The following ANKRD7 variants were observed in gnomAD, a reference collection of about 807,000 sequenced individuals.
The protein encoded by ANKRD7 is ankyrin repeat domain-containing protein 7.
ANKRD7 carries 30 observed loss-of-function variants against 30.8 expected under a neutral mutation model. The ratio of observed to expected loss-of-function variants is 0.97; its 90% CI spans 0.73 to 1.32. The LOEUF (loss-of-function observed/expected upper bound fraction) is 1.32. Ranked by LOEUF, ANKRD7 falls within the 40% of genes most tolerant of loss-of-function variation. The pLI, the probability that ANKRD7 is intolerant of heterozygous loss-of-function variation, is 0.00. For missense variants in ANKRD7, 264 were observed against 295.7 expected, an observed-to-expected ratio of 0.89 and a Z score of 0.79; for synonymous variants, 97 against 106.6, an observed-to-expected ratio of 0.91 and a Z score of 0.55.
chr7:118,230,948 TA>T (rs968158504), intron 1 of ANKRD7, among the ~76,000 whole-genome samples: 13 of 151,496 alleles, frequency 8.6e-5, no homozygotes, highest in Non-Finnish European at 5.9e-5. Context: ...TGTTTTCTAG[TA>T]AAAAAAATGA....
Position 118,230,020 on chromosome 7 carries a change from G to C in ANKRD7, c.180-4411G>C, listed in dbSNP as rs139458914. Among the ~76,000 whole-genome samples, 764 of 152,072 alleles carry C rather than the reference G, an allele frequency of 5.0e-3. 6 individuals are homozygous for C. The highest frequency in any genetic ancestry group is 0.017 in the African/African-American group (704 of 41,510). On this transcript the variant is annotated intron_variant, in intron 1 of 6. Transcript: ENST00000265224. ...ACCCTCAACAAACTAGGCATCGAAG[G>C]AACGTACCTCAAAATAATAAGGGAC...
Position 118,236,869 on chromosome 7 carries a change from T to C in ANKRD7, c.655T>C (p.Tyr219His), listed in dbSNP as rs764928734. 3.3e-5 allele frequency: 54 copies of C among 1,613,968 alleles called. No individual in the cohort carries two copies. Among genetic ancestry groups the C allele is most frequent in the Non-Finnish European group, 4.3e-5 (51 of 1,179,956 alleles). Residue 219 changes from tyrosine to histidine, a missense_variant, in exon 5 of 7, where the codon TAC (tyrosine) becomes CAC (histidine). Transcript: ENST00000265224. Reference sequence around the variant, plus strand: ...TCTTCAGCAAGGTGTGGAATTATGTTACGAAGGTATTGTGGATTCACAGCT... The same window carrying C: ...TCTTCAGCAAGGTGTGGAATTATGTCACGAAGGTATTGTGGATTCACAGCT... Reference protein sequence around the residue: ...LLLQQGVELCYEGIVDSQLRN... With the variant: ...LLLQQGVELCHEGIVDSQLRN...
chr7:118,238,162 A>T (rs572067438), intron 5 of ANKRD7, among the ~76,000 whole-genome samples: 7 of 152,326 alleles, frequency 4.6e-5, no homozygotes, highest in Admixed American at 3.9e-4. Flanking sequence ...TATCTCCCCC[A>T]AATGGCTTTT....
chr7:118,229,033 TC>T (rs1450214552), intron 1 of ANKRD7, among the ~76,000 whole-genome samples: 1 of 152,192 alleles, frequency 6.6e-6, no homozygotes, highest in Non-Finnish European at 1.5e-5. Context: ...ATCTTCATCT[TC>T]ACCCTGTTAC....
intron 1 of ANKRD7, 47 bp from the exon 2 acceptor site, chr7:118,234,384 C>CA (rs1809691037): frequency 1.5e-6 from 2 of 1,355,176 alleles, no homozygotes; most frequent in Non-Finnish European, 2.0e-6. Flanking sequence ...AGTAACTTCT[C>CA]AAACGAAGAC....
chr7:118,229,328 T>A (rs1809594699), intron 1 of ANKRD7, among the ~76,000 whole-genome samples: 1 of 152,160 alleles, frequency 6.6e-6, no homozygotes, highest in South Asian at 2.1e-4. Context: ...TCTTCCCTGC[T>A]TTTCTCTTTA....
At chr7:118,231,596 A>C (rs915744456) in intron 1 of ANKRD7, among the ~76,000 whole-genome samples, 1 of 152,114 alleles carries the variant, frequency 6.6e-6, no homozygotes, top group African/African-American at 2.4e-5. Context: ...ATGAGATTCA[A>C]TTGAAGGCTA....
chr7:118,226,852 A>C (rs1355977335), intron 1 of ANKRD7, among the ~76,000 whole-genome samples: 1 of 152,196 alleles, frequency 6.6e-6, no homozygotes, highest in Non-Finnish European at 1.5e-5. Context: ...TATTGAAAAA[A>C]ATCTATGTAT....
intron 1 of ANKRD7, among the ~76,000 whole-genome samples, chr7:118,228,731 C>G (rs1216405421): frequency 6.6e-6 from 1 of 152,130 alleles, no homozygotes; most frequent in African/African-American, 2.4e-5. Context: ...TTTGATTAAA[C>G]AGCAAATCTT....
chr7:118,240,646 AAAAC>A lies in ANKRD7; in HGVS notation c.*37+652_*37+655del, dbSNP rs558532452. Among the ~76,000 whole-genome samples, 422 of 152,286 alleles carry A rather than the reference AAAAC, an allele frequency of 2.8e-3. 4 individuals are homozygous for A. Among genetic ancestry groups the A allele is most frequent in the African/African-American group, 8.9e-3 (368 of 41,574 alleles). On this transcript the variant is annotated intron_variant, in intron 6 of 6. Transcript: ENST00000265224. ...CCCATTGTCTCATGTCTAGCTATAA[AAAAC>A]AAAATTTTTGCACATATATATTTTA...
chr7:118,237,816 C>G (rs1178134243), intron 5 of ANKRD7, among the ~76,000 whole-genome samples: 1 of 151,974 alleles, frequency 6.6e-6, no homozygotes, highest in Non-Finnish European at 1.5e-5. Flanking sequence ...CTTCGTAATA[C>G]AGAACGTGTA....
chr7:118,231,627 A>G (rs1277709682), intron 1 of ANKRD7, among the ~76,000 whole-genome samples: 6 of 152,000 alleles, frequency 3.9e-5, no homozygotes, highest in Non-Finnish European at 1.5e-5. Flanking sequence ...CTGGCCCTGT[A>G]CTCTGTCTAG....
chr7:118,241,108 T>G (rs1350595163), intron 6 of ANKRD7, among the ~76,000 whole-genome samples: 1 of 135,602 alleles, frequency 7.4e-6, no homozygotes, highest in Non-Finnish European at 1.5e-5. Context: ...GAGCCGAGAT[T>G]GCGCCACTGC....
intron 6 of ANKRD7, among the ~76,000 whole-genome samples, chr7:118,241,377 G>T (rs963546310): frequency 3.6e-4 from 54 of 151,484 alleles, no homozygotes; most frequent in African/African-American, 1.2e-3. Flanking sequence ...GAGTGTGGAG[G>T]CAATAGAAGA....
rs140295803 is a variant in ANKRD7 at position 118,230,854 on chromosome 7, G to A, written c.180-3577G>A. On this transcript the variant is annotated intron_variant, in intron 1 of 6. Coordinates refer to ENST00000265224, the MANE Select transcript of ANKRD7 (RefSeq NM_019644.4). ...ATCAAATGTTTCACAGAATCATTTT[G>A]GAAGCATTGTGCTTAAGGTCTCTGA... Among the ~76,000 whole-genome samples the A allele has an allele frequency of 5.0e-3, 762 of 152,004 alleles. 5 individuals are homozygous for A. The highest frequency in any genetic ancestry group is 0.017 in the African/African-American group (702 of 41,476).
intron 5 of ANKRD7, among the ~76,000 whole-genome samples, chr7:118,238,668 A>T (rs1477434220): frequency 6.6e-6 from 1 of 152,214 alleles, no homozygotes; most frequent in African/African-American, 2.4e-5. Context: ...ATTATATTTA[A>T]GTATTTATTT....
intron 6 of ANKRD7, among the ~76,000 whole-genome samples, chr7:118,241,761 A>T (rs1809851355): frequency 1.3e-5 from 2 of 151,214 alleles, no homozygotes; most frequent in Non-Finnish European, 3.0e-5. Context: ...CTGGTCTCGA[A>T]CTCCTGACCT....
rs1293561142 is a variant in ANKRD7, at chr7:118,234,448, C to T, written c.197C>T (p.Ala66Val). The T allele has an allele frequency of 6.2e-7, 1 of 1,608,436 alleles. No individual in the cohort carries two copies. Among genetic ancestry groups the T allele is most frequent in the Non-Finnish European group, 8.5e-7 (1 of 1,177,622 alleles). The change falls in exon 2 of 7, where the codon GCC (alanine) becomes GTC (valine). Residue 66 changes from alanine (A) to valine (V), a missense_variant. Physicochemically the swap from Ala to Val is moderately conservative, Grantham distance 64. Transcript: ENST00000265224. ...TGACATAGAACACCTTTGCACCTAG[C>T]CTGTGCTAATGGACATACAGATGTT... ...DKKYRTPLHLACANGHTDVVL... is the reference protein window; with the variant it reads ...DKKYRTPLHLVCANGHTDVVL...
At chr7:118,240,027 T>A (rs768292975) in intron 6 of ANKRD7, 29 bp downstream of exon 6, 20 of 1,293,986 alleles carry the variant, frequency 1.5e-5, no homozygotes, top group Non-Finnish European at 1.8e-5. Flanking sequence ...TTAGTGTTTT[T>A]TTCTTGTTGC....
Sources: allele counts gnomAD v4.1 joint callset (sites outside exome capture counted in the v4.1 genomes callset), GRCh38; gene constraint gnomAD v4.1.1; transcripts MANE v1.5; gene names NCBI Gene and HGNC (gene_info 2026-07-23, HGNC 2026-07-21).